The following PCDH7 variants were observed in gnomAD, a reference collection of about 807,000 sequenced individuals.
The protein encoded by PCDH7 is protocadherin 7.
A neutral mutation model predicts 58.9 loss-of-function variants in PCDH7; 17 were observed. The observed-to-expected ratio is 0.29, with a 90% CI of 0.20 to 0.43. The LOEUF is 0.43. PCDH7 is among the 20% of genes least tolerant of loss of function. The pLI is 1.00. For synonymous variants in PCDH7, 664 were observed against 616.4 expected (o/e 1.08, Z -1.14); for missense variants, 1,274 against 1,441.0 (o/e 0.88, Z 1.88).
At chr4:31,038,805 C>T (rs1755617815) in intron 3 of PCDH7, among the ~76,000 whole-genome samples, 1 of 152,092 alleles carries the variant, frequency 6.6e-6, no homozygotes, top group Non-Finnish European at 1.5e-5. Context: ...TGGTTCTTTG[C>T]TATATTTATC....
At chr4:30,863,688 A>G (rs905377137) in intron 1 of PCDH7, among the ~76,000 whole-genome samples, 1 of 152,092 alleles carries the variant, frequency 6.6e-6, no homozygotes, top group Non-Finnish European at 1.5e-5. Context: ...ACTTCTCCAT[A>G]TACTCATTGG....
At chr4:30,728,245 T>TTGTG (rs138265687) in intron 1 of PCDH7, among the ~76,000 whole-genome samples, 38 of 146,376 alleles carry the variant, frequency 2.6e-4, no homozygotes, top group Admixed American at 1.2e-3. Context: ...GTCAATTCAT[T>TTGTG]TGTGTGTGTG....
At chr4:30,928,207 G>C (rs1744133989) in intron 2 of PCDH7, among the ~76,000 whole-genome samples, 1 of 152,118 alleles carries the variant, frequency 6.6e-6, no homozygotes, top group Non-Finnish European at 1.5e-5. Context: ...TCATAGACAT[G>C]AGCCACCCTG....
intron 1 of PCDH7, among the ~76,000 whole-genome samples, chr4:30,835,596 C>G (rs1278560079): frequency 2.7e-5 from 4 of 148,490 alleles, no homozygotes; most frequent in Non-Finnish European, 6.0e-5. Flanking sequence ...ATCAGAGAGA[C>G]TGTATGGCAA....
At chr4:31,048,677 C>A (rs1448115456) in intron 3 of PCDH7, among the ~76,000 whole-genome samples, 4 of 151,660 alleles carry the variant, frequency 2.6e-5, no homozygotes, top group African/African-American at 9.7e-5. Flanking sequence ...AGATACTCAG[C>A]TTTTCAGGAG....
chr4:30,724,480 G>A (rs1714323880), exon 1 of PCDH7: 1 of 1,613,940 alleles, frequency 6.2e-7, no homozygotes, highest in Non-Finnish European at 8.5e-7. Context: ...AAAACACCAG[G>A]CCGTACAAGA....
intron 3 of PCDH7, among the ~76,000 whole-genome samples, chr4:31,007,133 G>A (rs1752830277): frequency 6.6e-6 from 1 of 152,122 alleles, no homozygotes; most frequent in South Asian, 2.1e-4. Flanking sequence ...CTGATGGTTT[G>A]GACAAAATGA....
intron 3 of PCDH7, among the ~76,000 whole-genome samples, chr4:30,979,291 A>G (rs1193491838): frequency 3.4e-5 from 5 of 148,608 alleles, no homozygotes; most frequent in African/African-American, 1.3e-4. Context: ...GTGCCACTGC[A>G]CTCCAGCCTG....
intron 3 of PCDH7, among the ~76,000 whole-genome samples, chr4:30,999,497 G>T (rs889185897): frequency 6.6e-6 from 1 of 151,972 alleles, no homozygotes. Context: ...CCAAATTGTC[G>T]CCTGAAAATT....
chr4:31,107,512 T>C (rs1218061112), intron 3 of PCDH7, among the ~76,000 whole-genome samples: 3 of 152,168 alleles, frequency 2.0e-5, no homozygotes, highest in East Asian at 3.9e-4. Flanking sequence ...GGAAGGAAAA[T>C]GTTCTTTTCT....
At chr4:31,027,814 TCTGA>T (rs1294977161) in intron 3 of PCDH7, among the ~76,000 whole-genome samples, 2 of 152,232 alleles carry the variant, frequency 1.3e-5, no homozygotes, top group African/African-American at 4.8e-5. Context: ...TGATTATGTC[TCTGA>T]CTGTTGGTTC....
At position 30,721,324 on chromosome 4, in the gene PCDH7, G is replaced by A. The variant is rs1219131225; in HGVS notation, c.-99G>A. 1.7e-6 allele frequency: 2 copies of A among 1,184,066 alleles called. No individual in the cohort carries two copies. Among genetic ancestry groups the A allele is most frequent in the East Asian group, 5.4e-5 (2 of 36,770 alleles). 73.3% of individuals were successfully genotyped at this position (1,184,066 alleles called of 1,614,324 possible). A position where few individuals can be genotyped will look rare whatever the true frequency, so the allele number is the denominator to read the frequency against. ...TCTCGCTCCTTCCTTTCCGGGAGAG[G>A]GGAGAGGACTCGGGGGAGGGCAGGC... is the stretch of plus-strand genomic sequence containing the variant. On this transcript the variant is annotated 5_prime_UTR_variant, in exon 1 of 2. Transcript: ENST00000361762. This position sits in a 1 kb window ranked among gnomAD's most constrained non-coding sequence, Gnocchi z 6.7.
At position 31,040,707 on chromosome 4, in the gene PCDH7, A is replaced by G. The variant is rs569082976; in HGVS notation, c.*7+90492A>G. Among the ~76,000 whole-genome samples, 4 of 152,294 alleles carry G rather than the reference A, an allele frequency of 2.6e-5. No individual in the cohort carries two copies. The South Asian group carries it at 6.2e-4, about 24-fold the overall frequency. On this transcript the variant is annotated intron_variant, in intron 3 of 3. Transcript: ENST00000509759. ...CTCATCACATGTTAAACCAACTTCA[A>G]AATTCAGTGATGTCCTAAAAATACG...
chr4:30,941,355 T>C (rs1433550675), intron 2 of PCDH7, among the ~76,000 whole-genome samples: 1 of 151,974 alleles, frequency 6.6e-6, no homozygotes, highest in Admixed American at 6.6e-5. Flanking sequence ...ATCCATTTTG[T>C]TTTCATTTTC....
intron 3 of PCDH7, among the ~76,000 whole-genome samples, chr4:31,126,040 C>T (rs545234153): frequency 6.6e-6 from 1 of 151,938 alleles, no homozygotes. Context: ...ACTCACTTAA[C>T]TTCTTTGTGC....
At chr4:31,089,494 T>C (rs920224757) in intron 3 of PCDH7, among the ~76,000 whole-genome samples, 6 of 152,052 alleles carry the variant, frequency 3.9e-5, no homozygotes, top group Admixed American at 3.9e-4. Flanking sequence ...ATCTCTGTAC[T>C]GAAAAGTGCT....
chr4:30,850,709 C>T (rs1481211925), intron 1 of PCDH7, among the ~76,000 whole-genome samples: 1 of 151,982 alleles, frequency 6.6e-6, no homozygotes, highest in Admixed American at 6.6e-5. Context: ...GGCCCTATTC[C>T]ACGGCTGGAC....
exon 2 of PCDH7, chr4:30,730,798 T>C (rs779957554): frequency 5.0e-6 from 8 of 1,608,428 alleles, no homozygotes; most frequent in African/African-American, 1.3e-5. Context: ...AATTCCACTC[T>C]AATATGATGC....
chr4:31,121,205 A>G (rs1309261670), intron 3 of PCDH7, among the ~76,000 whole-genome samples: 2 of 152,206 alleles, frequency 1.3e-5, no homozygotes, highest in Admixed American at 1.3e-4. Flanking sequence ...TGCAAGAGAA[A>G]AAAAGACATG....
Sources: gnomAD v4.1 joint callset for allele counts (sites outside exome capture counted in the v4.1 genomes callset) on GRCh38, gnomAD v4.1.1 for gene constraint, Gnocchi (gnomAD v3.1) non-coding constraint, MANE v1.5 for transcripts, NCBI Gene and HGNC (gene_info 2026-07-23, HGNC 2026-07-21) for gene names.